The following SLC5A11 variants were observed in gnomAD, a reference collection of about 807,000 sequenced individuals.
SLC5A11 encodes sodium/myo-inositol cotransporter 2.
A neutral mutation model predicts 69.8 loss-of-function variants in SLC5A11; 48 were observed. The ratio of observed to expected loss-of-function variants is 0.69; its 90% CI spans 0.55 to 0.87. The LOEUF (loss-of-function observed/expected upper bound fraction) is 0.87, where lower values mean the gene tolerates loss of function less well. Ranked by LOEUF, SLC5A11 falls within the 40% of genes least tolerant of loss-of-function variation. SLC5A11 has a pLI of 0.00. For missense variants in SLC5A11, 784 were observed against 866.1 expected (o/e 0.91, Z 1.19); for synonymous variants, 319 against 342.4 (o/e 0.93, Z 0.75).
exon 13 of SLC5A11, chr16:24,907,983 T>C (rs2050198978): frequency 1.2e-6 from 2 of 1,614,140 alleles, no homozygotes; most frequent in Non-Finnish European, 1.7e-6. Context: ...CTGCTGCTGG[T>C]CCTGGTCTCC....
rs568125711 is a variant in SLC5A11 at position 24,887,318 on chromosome 16, A to G, written c.664+3187A>G. Among the ~76,000 whole-genome samples, 34 of 152,328 alleles carry G rather than the reference A, an allele frequency of 2.2e-4. 1 individual carries two copies. The South Asian group carries it at 5.6e-3, about 25-fold the overall frequency. ...TCCAGTTAAAATCATTACAGATCTG[A>G]AAAAATTGTGTGGTCAAGGCAAACG... On this transcript the variant is annotated intron_variant, in intron 8 of 15. Transcript: ENST00000347898.
At chr16:24,892,402 A>T (rs2048872508) in intron 9 of SLC5A11, among the ~76,000 whole-genome samples, 1 of 151,828 alleles carries the variant, frequency 6.6e-6, no homozygotes, top group African/African-American at 2.4e-5. Flanking sequence ...AAAGGAAAAA[A>T]ATCAGAAAGC....
At chr16:24,854,419 T>C (rs1011218710) in intron 1 of SLC5A11, among the ~76,000 whole-genome samples, 2 of 150,590 alleles carry the variant, frequency 1.3e-5, no homozygotes, top group Admixed American at 6.6e-5. Context: ...TCACTCCCCC[T>C]GTAAAGTAAA....
At chr16:24,907,918 A>G in intron 12 of SLC5A11, 45 bp from the exon 14 acceptor site, 1 of 1,141,010 alleles carries the variant, frequency 8.8e-7, no homozygotes, top group South Asian at 1.3e-5. Context: ...AAGAGGAGTA[A>G]ATGTTCAGAT....
intron 7 of SLC5A11, among the ~76,000 whole-genome samples, chr16:24,881,293 TTTTC>T (rs1471330301): frequency 6.6e-6 from 1 of 152,092 alleles, no homozygotes; most frequent in African/African-American, 2.4e-5. Context: ...GTTTGTTTGT[TTTTC>T]TTTTTTTGAG....
At chr16:24,877,133 C>T (rs274074) in intron 6 of SLC5A11, 125 bp from the exon 8 acceptor site, 272,269 of 1,524,704 alleles carry the variant, frequency 0.18, 26,422 homozygotes, top group South Asian at 0.29. Flanking sequence ...CAAGGGATGA[C>T]GTATGACTCT....
chr16:24,859,049 A>C (rs1055266735), intron 2 of SLC5A11: 6 of 278,380 alleles, frequency 2.2e-5, no homozygotes, highest in Non-Finnish European at 4.0e-5. Context: ...CCCATTTTAC[A>C]GATAAGGAAA....
At chr16:24,877,290 G>A (rs754401560) in exon 7 of SLC5A11, 1 of 1,614,050 alleles carries the variant, frequency 6.2e-7, no homozygotes, top group Non-Finnish European at 8.5e-7. Flanking sequence ...TCTTCATCCA[G>A]CAGTCTTTGC....
chr16:24,890,136 A>T (rs2048677636), intron 8 of SLC5A11, among the ~76,000 whole-genome samples: 1 of 152,168 alleles, frequency 6.6e-6, no homozygotes, highest in African/African-American at 2.4e-5. Context: ...ATGTTTCTAT[A>T]CCGCACTTCT....
Position 24,879,127 on chromosome 16 carries a change from G to T in SLC5A11, c.583+1764G>T, listed in dbSNP as rs183506970. Among the ~76,000 whole-genome samples the T allele has an allele frequency of 9.1e-3, 1,387 of 151,638 alleles. 13 individuals carry two copies. Among genetic ancestry groups the T allele is most frequent in the Middle Eastern group, 0.041 (12 of 294 alleles). The stretch of plus-strand genomic sequence containing the variant: ...ATTGGGGTGAAGAGATGGAGGACAG[G>T]TTTTTTTTGGTTTTTTGTTTTTTTT... On this transcript the variant is annotated intron_variant, in intron 7 of 15. Coordinates refer to ENST00000347898, the Ensembl canonical transcript of SLC5A11.
chr16:24,878,004 T>G (rs1157779982), intron 7 of SLC5A11, among the ~76,000 whole-genome samples: 1 of 150,706 alleles, frequency 6.6e-6, no homozygotes, highest in African/African-American at 2.4e-5. Context: ...CAACAAAAAA[T>G]TAGCCGGGCA....
At chr16:24,872,863 G>A (rs1021076144) in intron 5 of SLC5A11, among the ~76,000 whole-genome samples, 1 of 142,674 alleles carries the variant, frequency 7.0e-6, no homozygotes, top group African/African-American at 2.6e-5. Flanking sequence ...AAAAATAAAA[G>A]TATATAGCTT....
At chr16:24,848,753 T>C (rs2059137156) in intron 1 of SLC5A11, among the ~76,000 whole-genome samples, 1 of 152,140 alleles carries the variant, frequency 6.6e-6, no homozygotes, top group African/African-American at 2.4e-5. Context: ...GCACTGCGGC[T>C]TGGTCAAGGG....
chr16:24,849,622 A>ATATATATATATATATATC (rs1459859144), intron 1 of SLC5A11, among the ~76,000 whole-genome samples: 1 of 128,240 alleles, frequency 7.8e-6, no homozygotes, highest in African/African-American at 3.0e-5. Context: ...ATATATATAT[A>ATATATATATATATATATC]TCCATGAGAG....
At position 24,898,046 on chromosome 16, in the gene SLC5A11, C is replaced by G. The variant is rs533071326; in HGVS notation, c.943C>G (p.Leu315Val). ...AGGAGGTGCTCTGATGGCTGCATACCTGAAGGTGCTGCCCCTCTTCATAAT... is the reference window on the plus strand; with the variant it reads ...AGGAGGTGCTCTGATGGCTGCATACGTGAAGGTGCTGCCCCTCTTCATAAT... Residue 315 changes from leucine (L) to valine (V), a missense_variant, in exon 10 of 16, where the codon CTG becomes GTG. Leu to Val is a conservative substitution (Grantham distance 32, BLOSUM62 1). Around this residue, in one of 3 missense-constraint regions of SLC5A11, gnomAD observed 550 missense variants for 606.4 expected, o/e 0.91. Coordinates refer to ENST00000347898, the Ensembl canonical transcript of SLC5A11. 1.5e-5 allele frequency: 25 copies of G among 1,614,144 alleles called. No homozygotes were observed. In the Admixed American group the frequency reaches 1.8e-4, roughly 12 times the overall value.
At chr16:24,880,230 A>G (rs1353871388) in intron 7 of SLC5A11, among the ~76,000 whole-genome samples, 1 of 152,196 alleles carries the variant, frequency 6.6e-6, no homozygotes, top group African/African-American at 2.4e-5. Flanking sequence ...CATGGCTAGG[A>G]GGCCTCAGGA....
At chr16:24,906,877 A>G in intron 11 of SLC5A11, 113 bp downstream of exon 12, 1 of 1,387,168 alleles carries the variant, frequency 7.2e-7, no homozygotes, top group Non-Finnish European at 9.9e-7. Context: ...GGGGAGGAAG[A>G]CTCTGGGCTC....
At chr16:24,896,248 G>T (rs1478977740) in intron 9 of SLC5A11, among the ~76,000 whole-genome samples, 1 of 152,004 alleles carries the variant, frequency 6.6e-6, no homozygotes, top group African/African-American at 2.4e-5. Flanking sequence ...TACTTAGGAG[G>T]CTGAGGCAGG....
exon 5 of SLC5A11, chr16:24,872,176 T>C: frequency 6.2e-7 from 1 of 1,614,186 alleles, no homozygotes; most frequent in Non-Finnish European, 8.5e-7. Flanking sequence ...TTTTCTGTGC[T>C]GATGTTGGCC....
Sources: allele counts gnomAD v4.1 joint callset (sites outside exome capture counted in the v4.1 genomes callset), GRCh38; gene constraint gnomAD v4.1.1; regional missense constraint gnomAD v4.1.1; transcripts MANE v1.5; gene names NCBI Gene and HGNC (gene_info 2026-07-23, HGNC 2026-07-21).